Variants in GNG7 observed in about 807,000 individuals in gnomAD.
GNG7 encodes the protein G protein subunit gamma 7.
Under a neutral mutation model 4.0 loss-of-function variants are expected in GNG7, and 1 was observed. The ratio of observed to expected loss-of-function variants is 0.25; its 90% CI spans 0.09 to 1.18. GNG7 has a LOEUF of 1.18. Among genes scored for constraint, GNG7 ranks in the 50% most tolerant of loss-of-function variants. GNG7 has a pLI of 0.50. For missense variants in GNG7, 86 were observed against 91.9 expected (o/e 0.94, Z 0.26); for synonymous variants, 34 against 36.9 (o/e 0.92, Z 0.29).
chr19:2,607,738 G>A (rs1264671324), intron 2 of GNG7, among the ~76,000 whole-genome samples: 2 of 151,832 alleles, frequency 1.3e-5, no homozygotes, highest in East Asian at 3.9e-4. Context: ...CGTGCCCTCC[G>A]CCCCCCGCCC....
rs1555697679 is a variant in GNG7 at position 2,611,009 on chromosome 19, G to GGC, written c.-78+35214_-78+35215insGC. On this transcript the variant is annotated intron_variant, in intron 2 of 4. Transcript: ENST00000382159. This position sits in a 1 kb window ranked among gnomAD's most constrained non-coding sequence, Gnocchi z 6.0. ...ACGGGCTCACGTGCCAGGCTCGGGGGGGGGGAAGCGTCCTCAACATTCTCA... is the reference window on the plus strand; with the variant it reads ...ACGGGCTCACGTGCCAGGCTCGGGGGGCGGGGGAAGCGTCCTCAACATTCTCA... 3.3e-5 allele frequency: 4 copies of GGC among 121,208 alleles called. No individual in the cohort carries two copies. Among genetic ancestry groups the GGC allele is most frequent in the African/African-American group, 9.0e-5 (3 of 33,448 alleles). 7.5% of individuals were successfully genotyped at this position (121,208 alleles called of 1,614,324 possible).
chr19:2,625,949 G>C (rs60058030), intron 2 of GNG7, among the ~76,000 whole-genome samples: 10,704 of 152,052 alleles, frequency 0.07, 1,248 homozygotes, highest in African/African-American at 0.25. Context: ...CACCACGCCT[G>C]GCTAATTTTT....
rs1364280622 is a variant in GNG7, at chr19:2,512,588, C to T, written c.*2434G>A. 5.9e-6 allele frequency: 1 copy of T among 170,074 alleles called. No homozygotes were observed. Among genetic ancestry groups the T allele is most frequent in the Non-Finnish European group, 1.2e-5 (1 of 84,294 alleles). The allele number at this position is 170,074 out of a possible 1,614,324, so 10.5% of individuals were successfully genotyped here. A position where few individuals can be genotyped will look rare whatever the true frequency, so the allele number is the denominator to read the frequency against. On this transcript the variant is annotated 3_prime_UTR_variant, in exon 5 of 5. Transcript: ENST00000382159. This position sits in a 1 kb window ranked among gnomAD's most constrained non-coding sequence, Gnocchi z 4.7. The stretch of plus-strand genomic sequence containing the variant: ...CCCACCATCTGCACCAGCCTAGGAG[C>T]CCCGGCTGCCTGGGGCTGCGTCTCT...
At chr19:2,594,395 GAAAGAA>G (rs1568256120) in intron 2 of GNG7, among the ~76,000 whole-genome samples, 2 of 127,194 alleles carry the variant, frequency 1.6e-5, no homozygotes, top group Non-Finnish European at 3.4e-5. Flanking sequence ...AAGAAGGAAA[GAAAGAA>G]GGAGGGAAGG....
At chr19:2,644,772 T>C (rs1197209510) in intron 2 of GNG7, among the ~76,000 whole-genome samples, 2 of 152,186 alleles carry the variant, frequency 1.3e-5, no homozygotes, top group Non-Finnish European at 2.9e-5. Context: ...GTCCTCAAGG[T>C]ACATCCACAC....
At chr19:2,656,477 CT>C (rs1440801959) in intron 1 of GNG7, among the ~76,000 whole-genome samples, 1 of 152,174 alleles carries the variant, frequency 6.6e-6, no homozygotes, top group Non-Finnish European at 1.5e-5. Flanking sequence ...TGGTGCACGC[CT>C]GTAGTCCCAG....
chr19:2,601,774 G>T (rs555212294), intron 2 of GNG7, among the ~76,000 whole-genome samples: 1 of 151,952 alleles, frequency 6.6e-6, no homozygotes, highest in Non-Finnish European at 1.5e-5. Flanking sequence ...GGGCATGGTG[G>T]TGTGAGCCTG....
At chr19:2,599,114 G>A (rs1382595042) in intron 2 of GNG7, among the ~76,000 whole-genome samples, 1 of 152,196 alleles carries the variant, frequency 6.6e-6, no homozygotes, top group Non-Finnish European at 1.5e-5. Flanking sequence ...TTGTGGGAGG[G>A]ACGCCTGGGG....
chr19:2,692,524 A>G (rs1913158400), intron 1 of GNG7, among the ~76,000 whole-genome samples: 1 of 151,370 alleles, frequency 6.6e-6, no homozygotes, highest in Non-Finnish European at 1.5e-5. Flanking sequence ...AGTCCCAGCT[A>G]CTCGGGAGGC....
chr19:2,553,853 A>G (rs957298858), intron 3 of GNG7, among the ~76,000 whole-genome samples: 7 of 140,238 alleles, frequency 5.0e-5, no homozygotes, highest in Non-Finnish European at 1.6e-5. Context: ...GCATACATGT[A>G]CATATTATAT....
At chr19:2,675,817 G>A (rs1238827166) in intron 1 of GNG7, among the ~76,000 whole-genome samples, 4 of 152,128 alleles carry the variant, frequency 2.6e-5, no homozygotes, top group Non-Finnish European at 4.4e-5. Context: ...CCTCCCCAGA[G>A]AATGATCCAG....
At chr19:2,564,616 C>G (rs566647055) in intron 2 of GNG7, among the ~76,000 whole-genome samples, 1 of 152,106 alleles carries the variant, frequency 6.6e-6, no homozygotes, top group East Asian at 1.9e-4. Flanking sequence ...TTTAGAGATG[C>G]AGAGGAGAGG....
At chr19:2,615,631 T>C (rs1317883251) in intron 2 of GNG7, among the ~76,000 whole-genome samples, 1 of 148,344 alleles carries the variant, frequency 6.7e-6, no homozygotes, top group Non-Finnish European at 1.5e-5. Flanking sequence ...CCTGGCTAAT[T>C]TTTTTGTATT....
intron 1 of GNG7, among the ~76,000 whole-genome samples, chr19:2,649,981 C>G (rs1982767083): frequency 6.6e-6 from 1 of 151,978 alleles, no homozygotes; most frequent in Admixed American, 6.6e-5. Flanking sequence ...TCTGGTGTCT[C>G]TCACTGAGTG....
intron 2 of GNG7, among the ~76,000 whole-genome samples, chr19:2,612,507 A>AC (rs34728363): frequency 5.4e-4 from 80 of 148,676 alleles, no homozygotes; most frequent in South Asian, 2.1e-3. Flanking sequence ...TGAAGCCAGG[A>AC]CCCCCCCCAG....
chr19:2,587,500 G>A (rs1247290825), intron 2 of GNG7, among the ~76,000 whole-genome samples: 1 of 152,170 alleles, frequency 6.6e-6, no homozygotes, highest in Non-Finnish European at 1.5e-5. Context: ...CTAGCGCCTG[G>A]GATGGCAGAG....
At chr19:2,688,070 G>A (rs1352503718) in intron 1 of GNG7, among the ~76,000 whole-genome samples, 1 of 151,926 alleles carries the variant, frequency 6.6e-6, no homozygotes, top group African/African-American at 2.4e-5. Flanking sequence ...GGCTAACACG[G>A]TGAAACCCCG....
At chr19:2,666,843 A>G (rs1983323765) in intron 1 of GNG7, among the ~76,000 whole-genome samples, 2 of 152,236 alleles carry the variant, frequency 1.3e-5, no homozygotes, top group South Asian at 4.1e-4. Context: ...CCCCAAGGCC[A>G]TTGGTTGAGA....
intron 1 of GNG7, among the ~76,000 whole-genome samples, chr19:2,649,400 A>ATTATTATTATTATTATTATTATTATTG: frequency 6.6e-6 from 1 of 150,604 alleles, no homozygotes; most frequent in African/African-American, 2.4e-5. Flanking sequence ...AATTATTATT[A>ATTATTATTATTATTATTATTATTATTG]TTATTATTAC....
Sources: allele counts gnomAD v4.1 joint callset (sites outside exome capture counted in the v4.1 genomes callset), GRCh38; gene constraint gnomAD v4.1.1; non-coding constraint Gnocchi (gnomAD v3.1); transcripts MANE v1.5; gene names NCBI Gene and HGNC (gene_info 2026-07-23, HGNC 2026-07-21).